Variants in PDE2A observed in about 807,000 individuals in gnomAD.
PDE2A encodes phosphodiesterase 2A, also known as cGMP-dependent 3',5'-cyclic phosphodiesterase.
In PDE2A, 53 loss-of-function variants were observed where a neutral mutation model predicts 133.6. That is an observed-to-expected ratio of 0.40 (90% CI 0.32 to 0.50). The LOEUF is 0.50. Among genes scored for constraint, PDE2A ranks in the 20% least tolerant of loss-of-function variants. PDE2A has a pLI of 0.73. For missense variants in PDE2A, 796 were observed against 1,232.4 expected, an observed-to-expected ratio of 0.65 and a Z score of 5.30; for synonymous variants, 491 against 490.2, an observed-to-expected ratio of 1.00 and a Z score of -0.02.
rs78256670 is a variant in PDE2A, at chr11:72,629,634, C to T, written c.144+12620G>A. On this transcript the variant is annotated intron_variant, in intron 2 of 30. Coordinates refer to ENST00000334456, the MANE Select transcript of PDE2A (RefSeq NM_002599.5). ...TGGAGGCACATTCTCAGGTCTTGGC[C>T]CTGTGTCCCAGCAGGGAACCTGTGC... 1.4e-3 allele frequency among the ~76,000 whole-genome samples: 217 copies of T among 152,358 alleles called. 7 individuals are homozygous for T. In the East Asian group the frequency reaches 0.038, roughly 27 times the overall value.
chr11:72,579,167 G>A (rs937747532), intron 27 of PDE2A, 117 bp downstream of exon 27: 15 of 962,016 alleles, frequency 1.6e-5, no homozygotes, highest in South Asian at 1.4e-4. Flanking sequence ...GGGCCGTGCA[G>A]CCAGAGAAGG....
At chr11:72,592,573 A>C (rs1856300273) in intron 6 of PDE2A, among the ~76,000 whole-genome samples, 2 of 152,214 alleles carry the variant, frequency 1.3e-5, no homozygotes, top group South Asian at 4.1e-4. Flanking sequence ...GAGGACAAGT[A>C]GACCTTGAAG....
Position 72,590,335 on chromosome 11 carries a change from G to A in PDE2A, c.704-91C>T, listed in dbSNP as rs769931955. On this transcript the variant is annotated intron_variant, in intron 8 of 30. Transcript: ENST00000334456. The surrounding 1 kb of genome is among the most constrained non-coding windows in gnomAD (Gnocchi z 4.8). ...CGCCGCTCAGCTCCGCGCCGGGCCCGCCGCCGGCTCCCGGGATCGCCTAAC... is the reference window on the plus strand; with the variant it reads ...CGCCGCTCAGCTCCGCGCCGGGCCCACCGCCGGCTCCCGGGATCGCCTAAC... 2.6e-6 allele frequency: 4 copies of A among 1,536,104 alleles called. No homozygotes were observed. In the South Asian group the frequency reaches 3.6e-5, roughly 14 times the overall value.
intron 1 of PDE2A, chr11:72,659,215 C>A (rs1178867218): frequency 6.7e-6 from 1 of 150,092 alleles, no homozygotes; most frequent in African/African-American, 2.5e-5. Flanking sequence ...GGTGAGGAGG[C>A]AGTCACAGAC....
intron 1 of PDE2A, among the ~76,000 whole-genome samples, chr11:72,668,608 G>A (rs1258877252): frequency 1.3e-5 from 2 of 152,270 alleles, no homozygotes; most frequent in East Asian, 3.8e-4. Flanking sequence ...CTTGGCAGCA[G>A]GGTGTGGATT....
chr11:72,607,729 A>G (rs538319081), intron 3 of PDE2A, among the ~76,000 whole-genome samples: 9 of 152,128 alleles, frequency 5.9e-5, no homozygotes, highest in Middle Eastern at 3.4e-3. Context: ...CTCTGGAGGG[A>G]TGGGAAGGTC....
Position 72,597,637 on chromosome 11 carries a change from T to C in PDE2A, c.324-18A>G. On this transcript the variant is annotated intron_variant, in intron 4 of 30. Coordinates refer to ENST00000334456, the MANE Select transcript of PDE2A (RefSeq NM_002599.5). This position sits in a 1 kb window ranked among gnomAD's most constrained non-coding sequence, Gnocchi z 4.6. ...TAGCCTCCCTGAAAAGAGGACATGA[T>C]GCCACCTTGAGAGCCCCCGACTCAG... 5 of 1,559,538 alleles carry C rather than the reference T, an allele frequency of 3.2e-6. No homozygotes were observed. Among genetic ancestry groups the C allele is most frequent in the Non-Finnish European group, 4.4e-6 (5 of 1,133,050 alleles).
intron 2 of PDE2A, among the ~76,000 whole-genome samples, chr11:72,628,435 A>G (rs1858197415): frequency 6.7e-6 from 1 of 149,614 alleles, no homozygotes; most frequent in South Asian, 2.1e-4. Flanking sequence ...GGTTCACACC[A>G]TTCTCCTGCC....
chr11:72,648,262 C>T (rs1477429745), intron 1 of PDE2A, among the ~76,000 whole-genome samples: 3 of 152,164 alleles, frequency 2.0e-5, no homozygotes, highest in Non-Finnish European at 2.9e-5. Flanking sequence ...GGATGCCTGC[C>T]TGGATACTGC....
chr11:72,591,643 G>A (rs1268918529), intron 6 of PDE2A, among the ~76,000 whole-genome samples: 1 of 152,192 alleles, frequency 6.6e-6, no homozygotes. Flanking sequence ...TCAGGGGATG[G>A]AGGGACCTTA....
At chr11:72,584,078 G>A (rs1490724490) in intron 19 of PDE2A, 123 bp downstream of exon 19, 3 of 630,280 alleles carry the variant, frequency 4.8e-6, no homozygotes, top group East Asian at 2.8e-5. Flanking sequence ...CCAGCGGCGG[G>A]ACTCTGAGTG....
intron 1 of PDE2A, chr11:72,652,374 GTA>G (rs1379578446): frequency 1.1e-4 from 44 of 401,060 alleles, no homozygotes; most frequent in Middle Eastern, 8.6e-4. Flanking sequence ...AGCCTCCCTA[GTA>G]GCTGGAATTA....
rs1230247592 is a variant in PDE2A, at chr11:72,584,739, A to C, written c.1360-11T>G. 1.2e-6 allele frequency: 2 copies of C among 1,612,998 alleles called. No homozygotes were observed. Among genetic ancestry groups the C allele is most frequent in the African/African-American group, 2.7e-5 (2 of 75,056 alleles). ...GCGGATCTCATAGCTCTGCCGGAGC[A>C]GAGATGGAGTCGAGAGGAAGAAGTT... On this transcript the variant is annotated splice_polypyrimidine_tract_variant and intron_variant, in intron 17 of 30. Coordinates refer to ENST00000334456, the MANE Select transcript of PDE2A (RefSeq NM_002599.5).
intron 17 of PDE2A, 38 bp from the exon 18 acceptor site, chr11:72,584,766 G>C (rs1195253878): frequency 1.2e-6 from 2 of 1,611,846 alleles, no homozygotes; most frequent in African/African-American, 1.3e-5. Context: ...GAAGAAGTTA[G>C]TGACCCGGCC....
At chr11:72,652,838 C>T (rs571864720) in intron 1 of PDE2A, 2 of 402,886 alleles carry the variant, frequency 5.0e-6, no homozygotes, top group Admixed American at 2.8e-5. Flanking sequence ...TCCCCCAGTC[C>T]TTCCTTGGCT....
intron 3 of PDE2A, among the ~76,000 whole-genome samples, chr11:72,606,200 C>A (rs149390543): frequency 4.2e-4 from 64 of 152,074 alleles, no homozygotes; most frequent in Middle Eastern, 3.4e-3. Context: ...GAACTGGCAA[C>A]CCTTCGGGAT....
chr11:72,580,413 C>T (rs777943362), intron 25 of PDE2A, among the ~76,000 whole-genome samples, 164 bp downstream of exon 25: 9 of 152,180 alleles, frequency 5.9e-5, no homozygotes, highest in Non-Finnish European at 1.3e-4. Flanking sequence ...TGCACCCTTC[C>T]AAGCCCACTC....
chr11:72,598,079 T>A (rs985205897), intron 4 of PDE2A, among the ~76,000 whole-genome samples: 1 of 152,238 alleles, frequency 6.6e-6, no homozygotes, highest in African/African-American at 2.4e-5. Context: ...GTAATCATCA[T>A]AACTAAAGTT....
intron 1 of PDE2A, among the ~76,000 whole-genome samples, chr11:72,672,069 C>A (rs562390306): frequency 6.6e-6 from 1 of 152,278 alleles, no homozygotes; most frequent in South Asian, 2.1e-4. Context: ...ACTCACTGAC[C>A]CCTGTATTGG....
Sources: allele counts gnomAD v4.1 joint callset (sites outside exome capture counted in the v4.1 genomes callset), GRCh38; gene constraint gnomAD v4.1.1; non-coding constraint Gnocchi (gnomAD v3.1); transcripts MANE v1.5; gene names NCBI Gene and HGNC (gene_info 2026-07-23, HGNC 2026-07-21).